Variants in PDZD2 observed in about 807,000 individuals in gnomAD.
The protein encoded by PDZD2 is PDZ domain containing 2, also known as PDZ domain-containing protein 2.
A neutral mutation model predicts 220.7 loss-of-function variants in PDZD2; 90 were observed. The ratio of observed to expected loss-of-function variants is 0.41; its 90% confidence interval spans 0.34 to 0.49. The LOEUF is 0.49. PDZD2 is among the 20% of genes least tolerant of loss of function. The probability of loss-of-function intolerance (pLI) is 0.28; values close to 1 mark genes in which losing one functional copy is unlikely to be tolerated. For synonymous variants in PDZD2, 1,375 were observed against 1,450.5 expected (o/e 0.95, Z 1.18); for missense variants, 3,174 against 3,608.5 (o/e 0.88, Z 3.08).
At chr5:31,780,683 A>G (rs138350051) in intron 1 of PDZD2, among the ~76,000 whole-genome samples, 1 of 152,290 alleles carries the variant, frequency 6.6e-6, no homozygotes, top group East Asian at 1.9e-4. Flanking sequence ...CACATATAAC[A>G]GGATGTTTTC....
At chr5:32,057,066 C>T (rs1177993341) in intron 10 of PDZD2, among the ~76,000 whole-genome samples, 1 of 152,058 alleles carries the variant, frequency 6.6e-6, no homozygotes, top group Admixed American at 6.6e-5. Context: ...CGCACTCTAG[C>T]CTGGGTGACT....
At chr5:31,847,978 G>A in intron 2 of PDZD2, 1 of 418,594 alleles carries the variant, frequency 2.4e-6, no homozygotes, top group Non-Finnish European at 4.6e-6. Flanking sequence ...TGATGGGGAT[G>A]TATAAGAAGG....
intron 7 of PDZD2, among the ~76,000 whole-genome samples, chr5:32,042,366 A>G (rs1185606273): frequency 6.6e-6 from 1 of 150,606 alleles, no homozygotes; most frequent in East Asian, 1.9e-4. Flanking sequence ...GTTCGAGACG[A>G]GCCTGGTCAA....
At chr5:31,819,255 T>G (rs956423816) in intron 2 of PDZD2, among the ~76,000 whole-genome samples, 1 of 152,244 alleles carries the variant, frequency 6.6e-6, no homozygotes, top group African/African-American at 2.4e-5. Context: ...ACTTTGTCTC[T>G]CATTCTTTTT....
intron 3 of PDZD2, among the ~76,000 whole-genome samples, chr5:31,993,897 A>G (rs1751426663): frequency 6.6e-6 from 1 of 152,204 alleles, no homozygotes; most frequent in Non-Finnish European, 1.5e-5. Context: ...CAGTGAGCAT[A>G]TGTGTGTGTC....
Position 32,098,441 on chromosome 5 carries a change from C to T in PDZD2, c.8025C>T (p.Asn2675=), listed in dbSNP as rs756494504. Reference sequence around the variant, plus strand: ...GAGGGGATTTCCTTCTGTCAGTCAACGGCGCCTCACTGGCTGGCTTAGCCC... The same window carrying T: ...GAGGGGATTTCCTTCTGTCAGTCAATGGCGCCTCACTGGCTGGCTTAGCCC... ...MNRGDFLLSV[N]GASLAGLAHG... is the part of the protein sequence containing the mutation. Residue 2675 remains asparagine, a synonymous_variant, in exon 23 of 25, where the codon AAC becomes AAT. Transcript: ENST00000438447. This position sits in a 1 kb window ranked among gnomAD's most constrained non-coding sequence, Gnocchi z 4.1. The T allele has an allele frequency of 1.7e-5, 28 of 1,614,128 alleles. No individual in the cohort carries two copies. The highest frequency in any genetic ancestry group is 1.2e-4 in the Admixed American group (7 of 60,016).
At chr5:31,881,405 C>G (rs58521889) in intron 2 of PDZD2, among the ~76,000 whole-genome samples, 1 of 133,900 alleles carries the variant, frequency 7.5e-6, no homozygotes, top group African/African-American at 2.8e-5. Context: ...GAGTTTTGCT[C>G]TTATTGCCCA....
intron 2 of PDZD2, among the ~76,000 whole-genome samples, chr5:31,951,179 A>C (rs1223539454): frequency 1.3e-5 from 2 of 151,900 alleles, no homozygotes; most frequent in Non-Finnish European, 2.9e-5. Context: ...TGATCCTCCC[A>C]CCCACAGCCT....
chr5:32,012,049 A>C (rs1437331517), intron 6 of PDZD2, among the ~76,000 whole-genome samples: 1 of 152,166 alleles, frequency 6.6e-6, no homozygotes, highest in Non-Finnish European at 1.5e-5. Flanking sequence ...ACAACAGCAG[A>C]CTTCAGCTCC....
chr5:32,054,312 C>CTTTTTTTTTTTT lies in PDZD2; in HGVS notation c.1900+444_1900+455dup, dbSNP rs57135705. Among the ~76,000 whole-genome samples the CTTTTTTTTTTTT allele has an allele frequency of 5.6e-4, 39 of 69,332 alleles. 9 individuals are homozygous for CTTTTTTTTTTTT. The highest frequency in any genetic ancestry group is 1.9e-3 in the African/African-American group (36 of 18,486). The allele number at this position is 69,332 out of a possible 152,430, so 45.5% of individuals were successfully genotyped here. A position where few individuals can be genotyped will look rare whatever the true frequency, so the allele number is the denominator to read the frequency against. On this transcript the variant is annotated intron_variant, in intron 10 of 24. Coordinates refer to ENST00000438447, the MANE Select transcript of PDZD2 (RefSeq NM_178140.4). ...CATAGTCTGGTTCCTAAATGAACAT[C>CTTTTTTTTTTTT]TTTTTTTTTTTTTTTTTTTTTTTTT...
chr5:31,699,593 A>G (rs1408134464), intron 1 of PDZD2, among the ~76,000 whole-genome samples: 1 of 151,766 alleles, frequency 6.6e-6, no homozygotes, highest in East Asian at 1.9e-4. Flanking sequence ...TAACTTGTTT[A>G]TTTATTTGTT....
intron 2 of PDZD2, chr5:31,908,582 A>G (rs1742898372): frequency 1.0e-6 from 1 of 983,578 alleles, no homozygotes; most frequent in African/African-American, 1.6e-5. Context: ...ATGAACCATC[A>G]CTTTCAGGAA....
chr5:32,003,125 ACACACACACCACACACACACCACACAC>A, intron 5 of PDZD2, among the ~76,000 whole-genome samples: 2 of 28,488 alleles, frequency 7.0e-5, no homozygotes, highest in Admixed American at 7.9e-4. Context: ...ACCACGCGCC[ACACACACACCACACACACACCACACAC>A]CACCAACACA....
intron 6 of PDZD2, among the ~76,000 whole-genome samples, chr5:32,030,601 T>G (rs976173661): frequency 4.6e-5 from 7 of 152,232 alleles, no homozygotes; most frequent in Admixed American, 4.6e-4. Flanking sequence ...TGTTTCTTTG[T>G]TTCTGACTCA....
chr5:31,720,334 A>G (rs1357956609), intron 1 of PDZD2, among the ~76,000 whole-genome samples: 1 of 152,246 alleles, frequency 6.6e-6, no homozygotes, highest in Admixed American at 6.5e-5. Context: ...CATAGCAGGT[A>G]TCCATTCTAA....
At chr5:32,002,858 A>ATAC (rs1752324658) in intron 5 of PDZD2, among the ~76,000 whole-genome samples, 1 of 122,934 alleles carries the variant, frequency 8.1e-6, no homozygotes. Flanking sequence ...ACCAACACAC[A>ATAC]CACACCCCAC....
chr5:32,041,581 G>A (rs1446239295), intron 7 of PDZD2, among the ~76,000 whole-genome samples: 1 of 151,998 alleles, frequency 6.6e-6, no homozygotes, highest in Non-Finnish European at 1.5e-5. Flanking sequence ...TGTCAACTCA[G>A]GGTTAAATGG....
intron 2 of PDZD2, among the ~76,000 whole-genome samples, chr5:31,829,640 A>G (rs1169287329): frequency 2.6e-5 from 4 of 152,154 alleles, no homozygotes; most frequent in Admixed American, 2.6e-4. Flanking sequence ...TTTTATATTA[A>G]CCATCACCCA....
At chr5:31,966,568 T>C (rs1453486021) in intron 2 of PDZD2, among the ~76,000 whole-genome samples, 1 of 152,210 alleles carries the variant, frequency 6.6e-6, no homozygotes, top group Non-Finnish European at 1.5e-5. Flanking sequence ...AACAGACCCA[T>C]GAAGAGTGCA....
Sources: allele counts gnomAD v4.1 joint callset (sites outside exome capture counted in the v4.1 genomes callset), GRCh38; gene constraint gnomAD v4.1.1; non-coding constraint Gnocchi (gnomAD v3.1); transcripts MANE v1.5; gene names NCBI Gene and HGNC (gene_info 2026-07-23, HGNC 2026-07-21).